The following MAGI2 variants were observed in gnomAD, a reference collection of about 807,000 sequenced individuals.
MAGI2 encodes the protein membrane-associated guanylate kinase, WW and PDZ domain-containing protein 2.
MAGI2 carries 35 observed loss-of-function variants against 133.3 expected under a neutral mutation model. The ratio of observed to expected loss-of-function variants is 0.26; its 90% CI spans 0.20 to 0.35. The LOEUF is 0.35. MAGI2 is among the 10% of genes least tolerant of loss of function. The probability of loss-of-function intolerance (pLI) is 1.00; values close to 1 mark genes in which losing one functional copy is unlikely to be tolerated. For missense variants in MAGI2, 1,636 were observed against 1,863.4 expected, an observed-to-expected ratio of 0.88 and a Z score of 2.25; for synonymous variants, 729 against 710.6, an observed-to-expected ratio of 1.03 and a Z score of -0.41.
At chr7:78,063,956 C>T (rs576001301) in intron 21 of MAGI2, among the ~76,000 whole-genome samples, 1 of 152,278 alleles carries the variant, frequency 6.6e-6, no homozygotes, top group African/African-American at 2.4e-5. Context: ...GCTTATGGAA[C>T]TGAACTGAAA....
In MAGI2 at chr7:78,659,064, C is replaced by T. The variant is rs139197037; in HGVS notation, c.419-31825G>A. Among the ~76,000 whole-genome samples, 421 of 152,204 alleles carry T rather than the reference C, an allele frequency of 2.8e-3. 4 individuals are homozygous for T. Among genetic ancestry groups the T allele is most frequent in the African/African-American group, 9.5e-3 (396 of 41,518 alleles). Reference sequence around the variant, plus strand: ...AACCCCAAACTAGAAACAACCTAGACGTCTGTCCTTCAAGAGGGAATGCTT... The same window carrying T: ...AACCCCAAACTAGAAACAACCTAGATGTCTGTCCTTCAAGAGGGAATGCTT... On this transcript the variant is annotated intron_variant, in intron 2 of 21. Coordinates refer to ENST00000354212, the MANE Select transcript of MAGI2 (RefSeq NM_012301.4).
At chr7:78,425,500 T>G (rs565755519) in intron 6 of MAGI2, among the ~76,000 whole-genome samples, 50 of 152,160 alleles carry the variant, frequency 3.3e-4, no homozygotes, top group Non-Finnish European at 6.9e-4. Context: ...CATGGTAGAG[T>G]TGGAAATGGT....
At chr7:79,362,786 G>C (rs1414589205) in intron 1 of MAGI2, among the ~76,000 whole-genome samples, 6 of 151,976 alleles carry the variant, frequency 3.9e-5, no homozygotes, top group African/African-American at 9.7e-5. Flanking sequence ...ATTAGGAATA[G>C]AGGGGAAATA....
At chr7:79,425,598 ATG>A (rs918102689) in intron 1 of MAGI2, among the ~76,000 whole-genome samples, 1 of 56,514 alleles carries the variant, frequency 1.8e-5, no homozygotes, top group Non-Finnish European at 2.9e-5. Flanking sequence ...ATATATATAT[ATG>A]TATATATATG....
chr7:78,774,027 TTTTAAGCAGTATC>T (rs979232883), intron 2 of MAGI2, among the ~76,000 whole-genome samples: 9 of 152,190 alleles, frequency 5.9e-5, no homozygotes, highest in African/African-American at 2.2e-4. Context: ...GAATATCTAT[TTTTAAGCAGTATC>T]CCAGGCAATT....
At chr7:79,001,359 A>T (rs1362957153) in intron 2 of MAGI2, among the ~76,000 whole-genome samples, 1 of 152,252 alleles carries the variant, frequency 6.6e-6, no homozygotes. Flanking sequence ...GACAAAGAAC[A>T]GTCTTGGGAG....
chr7:78,665,643 G>A (rs1813477190), intron 2 of MAGI2, among the ~76,000 whole-genome samples: 1 of 152,106 alleles, frequency 6.6e-6, no homozygotes, highest in South Asian at 2.1e-4. Context: ...AAAAACAAGA[G>A]TGAAATCTGC....
At chr7:78,440,548 A>C (rs573911997) in intron 6 of MAGI2, among the ~76,000 whole-genome samples, 17 of 152,322 alleles carry the variant, frequency 1.1e-4, no homozygotes, top group Non-Finnish European at 2.2e-4. Context: ...CCTGATGCCT[A>C]GCTTCTTGGC....
At chr7:79,383,486 C>T (rs183646992) in intron 1 of MAGI2, among the ~76,000 whole-genome samples, 49 of 151,344 alleles carry the variant, frequency 3.2e-4, no homozygotes, top group Non-Finnish European at 5.0e-4. Flanking sequence ...TACTCTTTTG[C>T]GATACATGGT....
At chr7:78,583,713 T>C (rs563610415) in intron 3 of MAGI2, among the ~76,000 whole-genome samples, 1 of 152,236 alleles carries the variant, frequency 6.6e-6, no homozygotes, top group South Asian at 2.1e-4. Flanking sequence ...GATATTATCC[T>C]TTTGGGGAAT....
chr7:78,908,871 C>G (rs946555436), intron 2 of MAGI2, among the ~76,000 whole-genome samples: 1 of 151,900 alleles, frequency 6.6e-6, no homozygotes, highest in Non-Finnish European at 1.5e-5. Context: ...TAGAAGAAAA[C>G]CTAGGCAATA....
chr7:78,188,745 C>A (rs1486621065), intron 12 of MAGI2, among the ~76,000 whole-genome samples: 2 of 152,156 alleles, frequency 1.3e-5, no homozygotes, highest in Non-Finnish European at 2.9e-5. Context: ...GATGGCCTTT[C>A]ATGATCACCT....
At chr7:78,695,380 A>G (rs1288155277) in intron 2 of MAGI2, among the ~76,000 whole-genome samples, 1 of 152,152 alleles carries the variant, frequency 6.6e-6, no homozygotes, top group African/African-American at 2.4e-5. Context: ...TCCAACATGC[A>G]CTTATTTTAA....
chr7:78,669,808 C>G (rs868404401), intron 2 of MAGI2, among the ~76,000 whole-genome samples: 56 of 152,194 alleles, frequency 3.7e-4, no homozygotes, highest in Middle Eastern at 3.4e-3. Flanking sequence ...ATAACAGAAC[C>G]AAAGACAAAA....
At chr7:78,868,418 T>TA (rs921257626) in intron 2 of MAGI2, among the ~76,000 whole-genome samples, 10 of 152,340 alleles carry the variant, frequency 6.6e-5, no homozygotes, top group African/African-American at 2.4e-4. Context: ...GTCTTCAACT[T>TA]AAGCAGTCTG....
At chr7:78,334,660 C>G (rs996691232) in intron 9 of MAGI2, among the ~76,000 whole-genome samples, 1 of 152,138 alleles carries the variant, frequency 6.6e-6, no homozygotes, top group Non-Finnish European at 1.5e-5. Context: ...CAAAGCTGTA[C>G]AGTAGGTGAG....
chr7:78,314,488 A>G (rs946852978), intron 9 of MAGI2, among the ~76,000 whole-genome samples: 100 of 152,286 alleles, frequency 6.6e-4, no homozygotes, highest in African/African-American at 2.3e-3. Context: ...GGCATGGAAA[A>G]AGATGGACTT....
chr7:78,887,684 T>G (rs1796375768), intron 2 of MAGI2, among the ~76,000 whole-genome samples: 1 of 152,244 alleles, frequency 6.6e-6, no homozygotes, highest in African/African-American at 2.4e-5. Context: ...AATTATTGTT[T>G]TATCAACTGG....
chr7:78,414,288 T>C (rs940925871), intron 6 of MAGI2, among the ~76,000 whole-genome samples: 1 of 149,860 alleles, frequency 6.7e-6, no homozygotes, highest in African/African-American at 2.4e-5. Context: ...AGGTATAATA[T>C]AGAAATATTT....
Sources: allele counts gnomAD v4.1 joint callset (sites outside exome capture counted in the v4.1 genomes callset), GRCh38; gene constraint gnomAD v4.1.1; transcripts MANE v1.5; gene names NCBI Gene and HGNC (gene_info 2026-07-23, HGNC 2026-07-21).